ANKRD22: variants seen among roughly 807,000 people sequenced by gnomAD.
ANKRD22 encodes the protein ankyrin repeat domain 22.
In ANKRD22, 24 loss-of-function variants were observed where a neutral mutation model predicts 25.7. That is an observed-to-expected ratio of 0.93 (90% confidence interval 0.68 to 1.31). The LOEUF is 1.31. ANKRD22 is among the 50% of genes most tolerant of loss of function. The pLI, the probability that ANKRD22 is intolerant of heterozygous loss-of-function variation, is 0.00. For synonymous variants in ANKRD22, 84 were observed against 84.3 expected, an observed-to-expected ratio of 1.00 and a Z score of 0.02; for missense variants, 214 against 227.1, an observed-to-expected ratio of 0.94 and a Z score of 0.37.
chr10:88,847,951 C>T (rs1017279836), intron 1 of ANKRD22, among the ~76,000 whole-genome samples: 5 of 151,618 alleles, frequency 3.3e-5, no homozygotes, highest in East Asian at 1.9e-4. Flanking sequence ...ATATCACAGC[C>T]GAAAGGGGCT....
At chr10:88,844,060 C>T (rs1345700410) in intron 1 of ANKRD22, among the ~76,000 whole-genome samples, 1 of 152,100 alleles carries the variant, frequency 6.6e-6, no homozygotes, top group African/African-American at 2.4e-5. Context: ...GACAAAGCCA[C>T]TCTTTTAGAT....
chr10:88,845,256 A>G (rs958344766), intron 1 of ANKRD22, among the ~76,000 whole-genome samples: 2 of 152,100 alleles, frequency 1.3e-5, no homozygotes, highest in African/African-American at 4.8e-5. Context: ...AGGGTGCTCA[A>G]AGGAGGTTGT....
chr10:88,823,069 G>A lies in ANKRD22; in HGVS notation c.499-51C>T, dbSNP rs182368523. The A allele has an allele frequency of 3.8e-3, 5,919 of 1,554,480 alleles. 21 individuals carry two copies. Among genetic ancestry groups the A allele is most frequent in the Non-Finnish European group, 4.9e-3 (5,526 of 1,126,796 alleles). ...TTTCCAATAGAGTGCCCAAGATCTC[G>A]TACGTAGCTTAGACCAATTGACTCT... On this transcript the variant is annotated intron_variant, in intron 5 of 5. Transcript: ENST00000371930.
At chr10:88,849,031 T>A (rs200902925) in intron 1 of ANKRD22, among the ~76,000 whole-genome samples, 1 of 136,110 alleles carries the variant, frequency 7.3e-6, no homozygotes, top group Admixed American at 7.8e-5. Flanking sequence ...TGTGTGTGGG[T>A]GTGTGTGCAT....
chr10:88,832,644 C>T (rs1163078029), intron 1 of ANKRD22, among the ~76,000 whole-genome samples: 2 of 152,100 alleles, frequency 1.3e-5, no homozygotes, highest in East Asian at 1.9e-4. Flanking sequence ...ACCCTGTATT[C>T]AAGGAGCTCA....
intron 4 of ANKRD22, 88 bp downstream of exon 4, chr10:88,825,935 TAAAATTGTCTAGGAA>T: frequency 1.0e-6 from 1 of 985,250 alleles, no homozygotes; most frequent in Non-Finnish European, 1.5e-6. Context: ...AAACTAAATG[TAAAATTGTCTAGGAA>T]AATAAAGCAA....
intron 1 of ANKRD22, among the ~76,000 whole-genome samples, chr10:88,844,052 C>A (rs1476062658): frequency 6.6e-6 from 1 of 152,038 alleles, no homozygotes. Flanking sequence ...TAAAGAATGA[C>A]AAAGCCACTC....
chr10:88,824,674 G>T (rs79297663), intron 4 of ANKRD22, among the ~76,000 whole-genome samples: 1,725 of 152,234 alleles, frequency 0.011, 29 homozygotes, highest in African/African-American at 0.038. Flanking sequence ...GGGACTACAG[G>T]CTAGTGTCAC....
At chr10:88,823,400 C>T (rs2133068440) in intron 4 of ANKRD22, 22 bp from the exon 5 acceptor site, 1 of 1,587,948 alleles carries the variant, frequency 6.3e-7, no homozygotes, top group East Asian at 2.2e-5. Flanking sequence ...AGGGCCAAAA[C>T]TTCAGCTCAT....
chr10:88,840,680 CT>C (rs1420389554), intron 1 of ANKRD22, among the ~76,000 whole-genome samples: 4 of 152,234 alleles, frequency 2.6e-5, no homozygotes, highest in African/African-American at 9.6e-5. Flanking sequence ...GGTAAAGAGC[CT>C]TGTGATTCAC....
At chr10:88,850,376 G>T (rs1844093013) in intron 1 of ANKRD22, among the ~76,000 whole-genome samples, 1 of 151,904 alleles carries the variant, frequency 6.6e-6, no homozygotes, top group Non-Finnish European at 1.5e-5. Flanking sequence ...CTAAGAATCT[G>T]CATTTAAACA....
At chr10:88,839,709 GT>G (rs748813564) in intron 1 of ANKRD22, among the ~76,000 whole-genome samples, 11 of 152,148 alleles carry the variant, frequency 7.2e-5, no homozygotes, top group Admixed American at 3.3e-4. Flanking sequence ...AAAGTCATTT[GT>G]TGGTTGACAC....
At position 88,822,972 on chromosome 10, in the gene ANKRD22, T is replaced by C. The variant is rs1843814332; in HGVS notation, c.545A>G (p.Gln182Arg). The change falls in exon 6 of 6, where the codon CAG becomes CGG. Residue 182 changes from glutamine (Q) to arginine (R), a missense_variant. Transcript: ENST00000371930. ...TGCTTTCCTTAGCATTAATTCAATCTGGGAAAATTTTAATCTCCGTGCAAT... is the reference window on the plus strand; with the variant it reads ...TGCTTTCCTTAGCATTAATTCAATCCGGGAAAATTTTAATCTCCGTGCAAT... ...LDIARRLKFS[Q>R]IELMLRKAL The C allele has an allele frequency of 6.2e-7, 1 of 1,613,482 alleles. No individual in the cohort carries two copies. Among genetic ancestry groups the C allele is most frequent in the Non-Finnish European group, 8.5e-7 (1 of 1,179,464 alleles).
intron 1 of ANKRD22, among the ~76,000 whole-genome samples, 193 bp from the exon 2 acceptor site, chr10:88,832,219 C>A (rs907031081): frequency 6.6e-6 from 1 of 152,068 alleles, no homozygotes; most frequent in Non-Finnish European, 1.5e-5. Context: ...CCATGAGGAA[C>A]CTCCTACATT....
chr10:88,825,009 T>TCACACACACACACA (rs771803296), intron 4 of ANKRD22, among the ~76,000 whole-genome samples: 4 of 132,846 alleles, frequency 3.0e-5, no homozygotes, highest in Admixed American at 7.6e-5. Context: ...TCTCTCTCTC[T>TCACACACACACACA]CTCACACACA....
chr10:88,844,278 G>A (rs994730830), intron 1 of ANKRD22, among the ~76,000 whole-genome samples: 34 of 152,242 alleles, frequency 2.2e-4, no homozygotes, highest in Admixed American at 1.1e-3. Context: ...AATTTGGGAA[G>A]CAAATGGGAC....
At chr10:88,842,281 A>G (rs1844009662) in intron 1 of ANKRD22, among the ~76,000 whole-genome samples, 1 of 152,142 alleles carries the variant, frequency 6.6e-6, no homozygotes. Flanking sequence ...ATCTTAGAAC[A>G]AAAATAATAT....
At position 88,841,362 on chromosome 10, in the gene ANKRD22, A is replaced by G. The variant is rs991413261; in HGVS notation, c.22-9336T>C. Among the ~76,000 whole-genome samples, 117 of 152,110 alleles carry G rather than the reference A, an allele frequency of 7.7e-4. 3 individuals carry two copies. Among genetic ancestry groups the G allele is most frequent in the Admixed American group, 7.2e-4 (11 of 15,266 alleles). ...ATAACTAGGTAACATCCAGTTCTAC[A>G]AAAGGAGGGAGTAAGAGAAAAAAAA... On this transcript the variant is annotated intron_variant, in intron 1 of 5. Coordinates refer to ENST00000371930, the MANE Select transcript of ANKRD22 (RefSeq NM_144590.3).
chr10:88,834,793 A>T (rs568517331), intron 1 of ANKRD22, among the ~76,000 whole-genome samples: 1 of 152,248 alleles, frequency 6.6e-6, no homozygotes, highest in East Asian at 1.9e-4. Context: ...AAATAAAAAA[A>T]TTAGCAGGGC....
Sources: allele counts gnomAD v4.1 joint callset (sites outside exome capture counted in the v4.1 genomes callset), GRCh38; gene constraint gnomAD v4.1.1; transcripts MANE v1.5; gene names NCBI Gene and HGNC (gene_info 2026-07-23, HGNC 2026-07-21).